Variants in SETD2 observed in about 807,000 individuals in gnomAD.
The protein encoded by SETD2 is histone-lysine N-methyltransferase SETD2.
In SETD2, 31 loss-of-function variants were observed where a neutral mutation model predicts 242.1. The ratio of observed to expected loss-of-function variants is 0.13; its 90% CI spans 0.10 to 0.17. The LOEUF (loss-of-function observed/expected upper bound fraction) is 0.17. Ranked by LOEUF, SETD2 falls within the 10% of genes least tolerant of loss-of-function variation. The pLI is 1.00. For synonymous variants in SETD2, 1,006 were observed against 1,066.5 expected (o/e 0.94, Z 1.11); for missense variants, 2,481 against 3,046.3 (o/e 0.81, Z 4.37).
chr3:47,059,977 GT>G (rs949206595), intron 14 of SETD2, among the ~76,000 whole-genome samples: 17 of 152,044 alleles, frequency 1.1e-4, no homozygotes, highest in Admixed American at 2.0e-4. Flanking sequence ...TAAAGACGGG[GT>G]TTCACCATGT....
chr3:47,142,365 C>T (rs1436380296), intron 1 of SETD2, among the ~76,000 whole-genome samples: 1 of 151,940 alleles, frequency 6.6e-6, no homozygotes, highest in Non-Finnish European at 1.5e-5. Context: ...CAAAATTAGC[C>T]AGGTGTGATG....
chr3:47,023,114 T>TA (rs1406304412), intron 18 of SETD2, among the ~76,000 whole-genome samples: 6 of 152,126 alleles, frequency 3.9e-5, no homozygotes, highest in Non-Finnish European at 7.4e-5. Context: ...AAATACTGAT[T>TA]AGAGGGCTGG....
chr3:47,071,679 GA>G lies in SETD2; in HGVS notation c.6061-4562del, dbSNP rs775887428. Reference sequence around the variant, plus strand: ...AGATTGCCCAGACACAAAACATACAGAAAAAAAAAAACAAATAAAAGTAAAA... The same window carrying G: ...AGATTGCCCAGACACAAAACATACAGAAAAAAAAAACAAATAAAAGTAAAA... On this transcript the variant is annotated intron_variant, in intron 12 of 20. Transcript: ENST00000409792. Among the ~76,000 whole-genome samples the G allele has an allele frequency of 4.6e-4, 64 of 138,682 alleles. 1 individual carries two copies. The South Asian group carries it at 1.0e-2, about 22-fold the overall frequency. 91.0% of individuals were successfully genotyped at this position (138,682 alleles called of 152,430 possible).
chr3:47,087,035 T>TAA (rs58714292), intron 10 of SETD2, among the ~76,000 whole-genome samples: 1 of 139,916 alleles, frequency 7.1e-6, no homozygotes, highest in Non-Finnish European at 1.6e-5. Flanking sequence ...AGCAAGACCC[T>TAA]AAAAAAAAAA....
intron 1 of SETD2, among the ~76,000 whole-genome samples, chr3:47,154,990 T>A (rs1369369933): frequency 6.7e-6 from 1 of 148,306 alleles, no homozygotes; most frequent in Non-Finnish European, 1.5e-5. Flanking sequence ...CAAGACTCCA[T>A]CTCAAAAAAA....
chr3:47,027,360 A>AAAAG (rs2038536495), intron 18 of SETD2, among the ~76,000 whole-genome samples: 2 of 150,156 alleles, frequency 1.3e-5, no homozygotes, highest in Admixed American at 6.7e-5. Context: ...AAAAAAAAAA[A>AAAAG]AGAGAACACA....
At chr3:47,150,529 A>G (rs1229944774) in intron 1 of SETD2, among the ~76,000 whole-genome samples, 1 of 152,184 alleles carries the variant, frequency 6.6e-6, no homozygotes. Flanking sequence ...TGGAAAATAC[A>G]CAAGTACAAA....
At chr3:47,083,129 T>C (rs983936229) in intron 12 of SETD2, among the ~76,000 whole-genome samples, 1 of 152,348 alleles carries the variant, frequency 6.6e-6, no homozygotes, top group Non-Finnish European at 1.5e-5. Flanking sequence ...TCTTGCTACA[T>C]TCTTCAACAA....
At chr3:47,159,367 T>C (rs1047253168) in intron 1 of SETD2, among the ~76,000 whole-genome samples, 2 of 152,236 alleles carry the variant, frequency 1.3e-5, no homozygotes, top group Non-Finnish European at 1.5e-5. Flanking sequence ...TAGTCATCAC[T>C]GTCTTTGTTG....
chr3:47,122,535 T>G lies in SETD2; in HGVS notation c.2101A>C (p.Ser701Arg). 1 of 1,614,124 alleles carries G rather than the reference T, an allele frequency of 6.2e-7. No homozygotes were observed. Among genetic ancestry groups the G allele is most frequent in the Non-Finnish European group, 8.5e-7 (1 of 1,179,966 alleles). ...TDAVLMTSDD[S>R]VTGSELSPLV... ...GGGGATAATTCCGATCCAGTCACAC[T>G]ATCATCAGAAGTCATTAAAACAGCA... is the stretch of plus-strand genomic sequence containing the variant. Residue 701 changes from serine (S) to arginine (R), a missense_variant, in exon 3 of 21, where the codon AGT (serine) becomes CGT (arginine). Physicochemically the swap from Ser to Arg is moderately radical, Grantham distance 110. Coordinates refer to ENST00000409792, the MANE Select transcript of SETD2 (RefSeq NM_014159.7).
intron 1 of SETD2, among the ~76,000 whole-genome samples, chr3:47,160,429 T>C (rs1025041272): frequency 7.9e-5 from 12 of 151,690 alleles, no homozygotes; most frequent in African/African-American, 2.7e-4. Flanking sequence ...GCCTCCCGAG[T>C]AGCTGGGATT....
rs2107739394 is a variant in SETD2 at position 47,120,238 on chromosome 3, T to C, written c.4398A>G (p.Gln1466=). The C allele has an allele frequency of 6.3e-7, 1 of 1,589,078 alleles. No homozygotes were observed. The highest frequency in any genetic ancestry group is 8.5e-7 in the Non-Finnish European group (1 of 1,169,854). ...GATCAAAGTAACATGGCATTTTCCC[T>C]TGCTTGGCACATTCCTTCCATCGCT... ...DPQRWKECAK[Q]GKMPCYFDLI... The change falls in exon 3 of 21, where the codon CAA becomes CAG. Residue 1466 remains glutamine, a synonymous_variant. Coordinates refer to ENST00000409792, the MANE Select transcript of SETD2 (RefSeq NM_014159.7).
At chr3:47,062,965 A>T (rs2107591928) in intron 13 of SETD2, among the ~76,000 whole-genome samples, 1 of 152,208 alleles carries the variant, frequency 6.6e-6, no homozygotes, top group Non-Finnish European at 1.5e-5. Context: ...AAAGTGGCTT[A>T]TCAGGCAACA....
intron 8 of SETD2, among the ~76,000 whole-genome samples, chr3:47,100,467 G>T (rs1244660835): frequency 1.3e-5 from 2 of 151,470 alleles, no homozygotes; most frequent in African/African-American, 4.8e-5. Flanking sequence ...CACCATGTTG[G>T]CCAGGCTCAA....
chr3:47,145,414 G>C (rs916416984), intron 1 of SETD2: 2 of 282,728 alleles, frequency 7.1e-6, no homozygotes, highest in Non-Finnish European at 1.5e-5. Context: ...TTTAAGAGAC[G>C]GGGTCTTGCT....
At chr3:47,104,192 T>C (rs918751835) in intron 6 of SETD2, among the ~76,000 whole-genome samples, 1 of 148,850 alleles carries the variant, frequency 6.7e-6, no homozygotes, top group African/African-American at 2.5e-5. Context: ...AAGAGATTTA[T>C]AAAAATGTAA....
intron 18 of SETD2, chr3:47,029,003 C>A: frequency 4.5e-6 from 1 of 222,822 alleles, no homozygotes; most frequent in South Asian, 5.8e-5. Context: ...ACTAGCTCGA[C>A]CATCTCAATG....
rs1559678406 is a variant in SETD2, at chr3:47,062,319, CCAACAGCATCCCTTCCTCGTT to C, written c.6116_6136del (p.Glu2039_Val2045del). The C allele has an allele frequency of 6.2e-7, 1 of 1,608,106 alleles. No homozygotes were observed. On this transcript the variant is annotated inframe_deletion, in exon 14 of 21. Coordinates refer to ENST00000409792, the MANE Select transcript of SETD2 (RefSeq NM_014159.7). ...CGGGGCAGGTGTTTGATCTCTGAAG[CCAACAGCATCCCTTCCTCGTT>C]CAGTTGCTAAGGGAAAAGGGTGGTT...
In SETD2 at chr3:47,124,449, C is replaced by T. The variant is rs1398215878; in HGVS notation, c.187G>A (p.Val63Ile). 6.4e-7 allele frequency: 1 copy of T among 1,551,886 alleles called. No homozygotes were observed. Among genetic ancestry groups the T allele is most frequent in the Admixed American group, 2.0e-5 (1 of 51,010 alleles). ...TGTCGTCCCTGTTCTTCCAAATTAA[C>T]TTTTGTTTTGGTGCCTTTGGGCAAA... Reference protein sequence around the residue: ...RFLPKGTKTKVNLEEQGRQKV... With the variant: ...RFLPKGTKTKINLEEQGRQKV... The change falls in exon 3 of 21, where the codon GTT becomes ATT. Residue 63 changes from valine (V) to isoleucine (I), a missense_variant. Physicochemically the swap from Val to Ile is conservative, Grantham distance 29. This residue lies in a region of SETD2 where 334 missense variants were observed against 374.5 expected (regional missense o/e 0.89). Transcript: ENST00000409792.
Sources: gnomAD v4.1 joint callset for allele counts (sites outside exome capture counted in the v4.1 genomes callset) on GRCh38, gnomAD v4.1.1 for gene constraint, gnomAD v4.1.1 regional missense constraint, MANE v1.5 for transcripts, NCBI Gene and HGNC (gene_info 2026-07-23, HGNC 2026-07-21) for gene names.